Variants in CCBE1 observed in about 807,000 individuals in gnomAD.
CCBE1 encodes collagen and calcium-binding EGF domain-containing protein 1.
CCBE1 carries 37 observed loss-of-function variants against 50.0 expected under a neutral mutation model. The ratio of observed to expected loss-of-function variants is 0.74; its 90% CI spans 0.57 to 0.97. The LOEUF (loss-of-function observed/expected upper bound fraction) is 0.97. CCBE1 is among the 50% of genes least tolerant of loss of function. The probability of loss-of-function intolerance (pLI) is 0.00; values close to 1 mark genes in which losing one functional copy is unlikely to be tolerated. For synonymous variants in CCBE1, 234 were observed against 203.7 expected (o/e 1.15, Z -1.27); for missense variants, 538 against 523.8 (o/e 1.03, Z -0.26).
At chr18:59,502,348 T>C (rs1423683385) in intron 2 of CCBE1, among the ~76,000 whole-genome samples, 1 of 152,192 alleles carries the variant, frequency 6.6e-6, no homozygotes, top group Non-Finnish European at 1.5e-5. Context: ...TTTTGCTTTT[T>C]TGTGTGTGAG....
intron 2 of CCBE1, among the ~76,000 whole-genome samples, chr18:59,589,808 A>T (rs533193300): frequency 7.6e-6 from 1 of 132,360 alleles, no homozygotes; most frequent in African/African-American, 2.6e-5. Context: ...AAAAAAAAAA[A>T]AAAGAAAGAA....
intron 2 of CCBE1, 28 bp from the exon 3 acceptor site, chr18:59,480,266 TA>T: frequency 6.9e-7 from 1 of 1,454,304 alleles, no homozygotes; most frequent in Non-Finnish European, 9.6e-7. Context: ...ATTTAAAATA[TA>T]ATAATTAGGC....
At chr18:59,436,259 T>G in intron 10 of CCBE1, 118 bp from the exon 11 acceptor site, 1 of 869,724 alleles carries the variant, frequency 1.1e-6, no homozygotes, top group Non-Finnish European at 1.9e-6. Flanking sequence ...GTGCCCCAAA[T>G]GGAGCCAATG....
At chr18:59,459,310 C>A (rs1911352360) in intron 5 of CCBE1, among the ~76,000 whole-genome samples, 1 of 152,212 alleles carries the variant, frequency 6.6e-6, no homozygotes, top group African/African-American at 2.4e-5. Flanking sequence ...AAAACCTACT[C>A]TGATGACGGG....
chr18:59,442,405 G>A (rs545229945), intron 7 of CCBE1, among the ~76,000 whole-genome samples: 466 of 152,216 alleles, frequency 3.1e-3, no homozygotes, highest in African/African-American at 0.01. Flanking sequence ...CTGTTTATGT[G>A]TATCATTTTC....
At chr18:59,447,370 T>C (rs1402860666) in intron 7 of CCBE1, among the ~76,000 whole-genome samples, 1 of 152,166 alleles carries the variant, frequency 6.6e-6, no homozygotes, top group African/African-American at 2.4e-5. Context: ...TCTGGGGTGA[T>C]AGAAATGTTC....
intron 2 of CCBE1, among the ~76,000 whole-genome samples, chr18:59,515,345 T>A (rs920148900): frequency 1.3e-5 from 2 of 152,222 alleles, no homozygotes; most frequent in African/African-American, 4.8e-5. Flanking sequence ...ATGCCTACTA[T>A]GTGCCAGGCA....
rs1910004786 is a variant in CCBE1, at chr18:59,433,244, G to C, written c.*2664C>G. 6.7e-6 allele frequency: 1 copy of C among 148,828 alleles called. No homozygotes were observed. Among genetic ancestry groups the C allele is most frequent in the Non-Finnish European group, 1.5e-5 (1 of 67,584 alleles). The allele number at this position is 148,828 out of a possible 1,614,324, so 9.2% of individuals were successfully genotyped here. A position where few individuals can be genotyped will look rare whatever the true frequency, so the allele number is the denominator to read the frequency against. ...TCCTGGGGTTACTGCCCTTCTAGGG[G>C]AAAGTGCCACATTTAATAAAACTTA... On this transcript the variant is annotated 3_prime_UTR_variant, in exon 11 of 11. Transcript: ENST00000439986.
intron 2 of CCBE1, among the ~76,000 whole-genome samples, chr18:59,518,642 AC>A (rs1914473941): frequency 1.3e-5 from 2 of 152,212 alleles, no homozygotes; most frequent in Admixed American, 1.3e-4. Flanking sequence ...TACATGCGAC[AC>A]GTGGATGAAG....
chr18:59,618,473 C>T (rs1167421281), intron 2 of CCBE1, among the ~76,000 whole-genome samples: 2 of 148,022 alleles, frequency 1.4e-5, no homozygotes, highest in African/African-American at 5.0e-5. Flanking sequence ...CTAGCTCTAT[C>T]GCCCAGACTG....
At chr18:59,500,384 G>A (rs754449019) in intron 2 of CCBE1, among the ~76,000 whole-genome samples, 28 of 152,196 alleles carry the variant, frequency 1.8e-4, no homozygotes, top group Non-Finnish European at 3.5e-4. Context: ...CGGAGGAAGG[G>A]CAGGCAGGTC....
chr18:59,460,972 AAAAT>A (rs1278813054), intron 5 of CCBE1, among the ~76,000 whole-genome samples: 1 of 107,448 alleles, frequency 9.3e-6, no homozygotes, highest in African/African-American at 3.1e-5. Context: ...AATAAATAAT[AAAAT>A]AAAAATAAAA....
chr18:59,437,569 G>T (rs1350112790), intron 10 of CCBE1, among the ~76,000 whole-genome samples: 1 of 152,230 alleles, frequency 6.6e-6, no homozygotes, highest in Non-Finnish European at 1.5e-5. Context: ...CAGAAGCAGT[G>T]ACGTGGTTTG....
intron 5 of CCBE1, among the ~76,000 whole-genome samples, chr18:59,462,686 A>AT (rs11461782): frequency 0.6 from 89,501 of 149,588 alleles, 26,673 homozygotes; most frequent in Middle Eastern, 0.72. Context: ...ACCTGACCTA[A>AT]TTTTTTTTTT....
intron 2 of CCBE1, among the ~76,000 whole-genome samples, chr18:59,559,571 T>C (rs1667958626): frequency 6.6e-6 from 1 of 152,234 alleles, no homozygotes; most frequent in Admixed American, 6.5e-5. Context: ...AGAATACCTG[T>C]TACAGCTGGC....
At chr18:59,453,105 AT>A (rs1412003238) in intron 6 of CCBE1, among the ~76,000 whole-genome samples, 1 of 152,192 alleles carries the variant, frequency 6.6e-6, no homozygotes, top group Non-Finnish European at 1.5e-5. Flanking sequence ...TAGCAACTGA[AT>A]TTCTGAATGA....
rs1349671374 is a variant in CCBE1 at position 59,497,518 on chromosome 18, G to C, written c.213-17280C>G. On this transcript the variant is annotated intron_variant, in intron 2 of 10. Coordinates refer to ENST00000439986, the MANE Select transcript of CCBE1 (RefSeq NM_133459.4). ...CTGGTTTGAGGCATCTTTGTACAGT[G>C]TGATTTGGATTTCACAGAATAGATA... Among the ~76,000 whole-genome samples, 4 of 152,344 alleles carry C rather than the reference G, an allele frequency of 2.6e-5. No homozygotes were observed. The East Asian group carries it at 7.7e-4, about 29-fold the overall frequency.
intron 6 of CCBE1, among the ~76,000 whole-genome samples, chr18:59,453,956 G>A (rs1911059176): frequency 6.6e-6 from 1 of 152,102 alleles, no homozygotes; most frequent in Non-Finnish European, 1.5e-5. Flanking sequence ...ATACCGTCAG[G>A]CATTCGGACA....
chr18:59,609,114 CGT>C (rs1258456036), intron 2 of CCBE1, among the ~76,000 whole-genome samples: 1 of 152,158 alleles, frequency 6.6e-6, no homozygotes, highest in Admixed American at 6.5e-5. Flanking sequence ...TTTCTCCTTC[CGT>C]GTTTTGGCCA....
Sources: gnomAD v4.1 joint callset for allele counts (sites outside exome capture counted in the v4.1 genomes callset) on GRCh38, gnomAD v4.1.1 for gene constraint, MANE v1.5 for transcripts, NCBI Gene and HGNC (gene_info 2026-07-23, HGNC 2026-07-21) for gene names.